The following LIMK2 variants were observed in gnomAD, a reference collection of about 807,000 sequenced individuals.
LIMK2 encodes the protein LIM domain kinase 2.
A neutral mutation model predicts 75.7 loss-of-function variants in LIMK2; 35 were observed. The observed-to-expected ratio is 0.46, with a 90% confidence interval of 0.35 to 0.61. LIMK2 has a LOEUF of 0.61. Among genes scored for constraint, LIMK2 ranks in the 20% least tolerant of loss-of-function variants. LIMK2 has a pLI of 0.00. For synonymous variants in LIMK2, 301 were observed against 319.2 expected, an observed-to-expected ratio of 0.94 and a Z score of 0.61; for missense variants, 623 against 831.0, an observed-to-expected ratio of 0.75 and a Z score of 3.08.
intron 2 of LIMK2, among the ~76,000 whole-genome samples, chr22:31,231,020 G>C (rs1218464437): frequency 6.6e-6 from 1 of 152,196 alleles, no homozygotes; most frequent in African/African-American, 2.4e-5. Flanking sequence ...TTCGAGAATA[G>C]GGAAATGGAG....
intron 15 of LIMK2, chr22:31,275,779 T>C (rs930136411): frequency 6.5e-6 from 1 of 154,706 alleles, no homozygotes; most frequent in Non-Finnish European, 1.4e-5. Flanking sequence ...TTCAGGTTTT[T>C]CCAGTTTCTC....
In LIMK2 at chr22:31,225,778, GT is replaced by G; in HGVS notation, c.76del (p.Tyr26ThrfsTer53). 1 of 1,614,104 alleles carries G rather than the reference GT, an allele frequency of 6.2e-7. No homozygotes were observed. The highest frequency in any genetic ancestry group is 8.5e-7 in the Non-Finnish European group (1 of 1,179,976). Reference protein sequence around the residue: ...GDHIAPSQIWYRTVNETWHGS... With the variant: ...GDHIAPSQIWXRTVNETWHGS... ...ACCACATTGCTCCAAGCCAGATATG[GT>G]ACAGGACTGTCAACGAAACCTGGCA... On this transcript the variant is annotated frameshift_variant, in exon 2 of 16. Transcript: ENST00000331728. LOFTEE classifies it high-confidence loss of function.
chr22:31,271,236 T>C lies in LIMK2; in HGVS notation c.1383+35T>C, dbSNP rs773126992. On this transcript the variant is annotated intron_variant, in intron 12 of 15. Coordinates refer to ENST00000331728, the MANE Select transcript of LIMK2 (RefSeq NM_005569.4). Reference sequence around the variant, plus strand: ...ACTGCTCTGGGCCTGGCCTCCAGGGTCCTATCCTTCCTGGCTTCCTTGTCA... The same window carrying C: ...ACTGCTCTGGGCCTGGCCTCCAGGGCCCTATCCTTCCTGGCTTCCTTGTCA... 3.8e-6 allele frequency: 6 copies of C among 1,574,736 alleles called. No individual in the cohort carries two copies. In the South Asian group the frequency reaches 4.4e-5, roughly 12 times the overall value.
At chr22:31,216,930 A>G (rs2048393505) in intron 1 of LIMK2, among the ~76,000 whole-genome samples, 2 of 152,208 alleles carry the variant, frequency 1.3e-5, no homozygotes, top group African/African-American at 4.8e-5. Flanking sequence ...ATTTTTATAT[A>G]GTAGAAAGAA....
At chr22:31,215,854 G>A (rs552039410) in intron 1 of LIMK2, among the ~76,000 whole-genome samples, 4 of 152,210 alleles carry the variant, frequency 2.6e-5, no homozygotes, top group African/African-American at 4.8e-5. Context: ...TAAGGCTTGC[G>A]TATGATAACA....
At chr22:31,246,925 C>T (rs909816214) in intron 2 of LIMK2, among the ~76,000 whole-genome samples, 9 of 152,150 alleles carry the variant, frequency 5.9e-5, no homozygotes, top group Admixed American at 2.0e-4. Context: ...AAATGCTAAG[C>T]ACTTAACACA....
At position 31,258,392 on chromosome 22, in the gene LIMK2, A is replaced by T. The variant is rs2048806082; in HGVS notation, c.218A>T (p.His73Leu). 4 of 1,614,022 alleles carry T rather than the reference A, an allele frequency of 2.5e-6. No individual in the cohort carries two copies. Among genetic ancestry groups the T allele is most frequent in the African/African-American group, 1.3e-5 (1 of 74,928 alleles). Residue 73 changes from histidine to leucine, a missense_variant, in exon 3 of 16, where the codon CAT becomes CTT. Around this residue, in one of 3 missense-constraint regions of LIMK2, gnomAD observed 514 missense variants for 661.3 expected, o/e 0.78. Transcript: ENST00000331728. ...TGGGGGAAGTTTGGGGAGTTCTGTC[A>T]TGGGTGCTCCCTGCTGATGACAGGG... is the stretch of plus-strand genomic sequence containing the variant. ...DYWGKFGEFC[H>L]GCSLLMTGPF...
At chr22:31,277,328 T>C in intron 15 of LIMK2, 2 of 1,432,452 alleles carry the variant, frequency 1.4e-6, no homozygotes, top group South Asian at 3.1e-5. Flanking sequence ...TTTATTGTTA[T>C]TAAACTGATG....
chr22:31,272,928 CTG>C (rs1010029632), intron 13 of LIMK2: 142 of 1,295,386 alleles, frequency 1.1e-4, no homozygotes, highest in Non-Finnish European at 1.3e-4. Flanking sequence ...TGAGTTCTGA[CTG>C]TGGCATTTGT....
At chr22:31,219,416 G>C (rs2048415288) in intron 1 of LIMK2, among the ~76,000 whole-genome samples, 1 of 152,098 alleles carries the variant, frequency 6.6e-6, no homozygotes, top group African/African-American at 2.4e-5. Context: ...CTCACCTTAC[G>C]TTGCACAGTT....
chr22:31,271,222 C>T (rs1204833752), intron 12 of LIMK2, 21 bp downstream of exon 12: 1 of 1,609,496 alleles, frequency 6.2e-7, no homozygotes, highest in South Asian at 1.1e-5. Flanking sequence ...CTGCTCTGGG[C>T]CTGGCCTCCA....
chr22:31,267,833 T>C lies in LIMK2; in HGVS notation c.1186T>C (p.Tyr396His). The change falls in exon 10 of 16, where the codon TAC becomes CAC. Residue 396 changes from tyrosine to histidine, a missense_variant. Tyr to His is a moderately conservative substitution (Grantham distance 83). Coordinates refer to ENST00000331728, the MANE Select transcript of LIMK2 (RefSeq NM_005569.4). ...TGTGCTCAAGTTCATTGGTGTGCTGTACAAGGATAAGAAGCTGAACCTCCT... is the reference window on the plus strand; with the variant it reads ...TGTGCTCAAGTTCATTGGTGTGCTGCACAAGGATAAGAAGCTGAACCTCCT... ...PNVLKFIGVL[Y>H]KDKKLNLLTE... 1 of 1,613,268 alleles carries C rather than the reference T, an allele frequency of 6.2e-7. No individual in the cohort carries two copies. Among genetic ancestry groups the C allele is most frequent in the Non-Finnish European group, 8.5e-7 (1 of 1,179,688 alleles).
At chr22:31,237,390 C>G (rs1241749895) in intron 2 of LIMK2, among the ~76,000 whole-genome samples, 1 of 151,330 alleles carries the variant, frequency 6.6e-6, no homozygotes, top group East Asian at 1.9e-4. Flanking sequence ...ATGGTGAAAC[C>G]TTGTCTCTAC....
intron 12 of LIMK2, 94 bp downstream of exon 12, chr22:31,271,295 G>A: frequency 9.2e-7 from 1 of 1,085,114 alleles, no homozygotes; most frequent in Non-Finnish European, 1.4e-6. Context: ...CTGGCTAGAG[G>A]GCAGAGGTGT....
intron 3 of LIMK2, chr22:31,258,636 G>C (rs1327460122): frequency 3.7e-6 from 2 of 535,994 alleles, no homozygotes; most frequent in African/African-American, 3.8e-5. Context: ...GTTGAACGTT[G>C]GGAGTGGGAG....
At chr22:31,215,221 G>A (rs547610574) in intron 1 of LIMK2, among the ~76,000 whole-genome samples, 86 of 152,160 alleles carry the variant, frequency 5.7e-4, no homozygotes, top group Non-Finnish European at 1.0e-3. Flanking sequence ...CCTCTCTGTA[G>A]CACAAAAAGC....
chr22:31,250,129 A>T (rs888741852), intron 2 of LIMK2, among the ~76,000 whole-genome samples: 2 of 152,084 alleles, frequency 1.3e-5, no homozygotes, highest in African/African-American at 4.8e-5. Context: ...AGTTTGCCTG[A>T]CTTGTTGAAG....
At chr22:31,213,689 G>T (rs1219055980) in intron 1 of LIMK2, among the ~76,000 whole-genome samples, 1 of 152,184 alleles carries the variant, frequency 6.6e-6, no homozygotes, top group Non-Finnish European at 1.5e-5. Context: ...AGGATCGCTT[G>T]AGTCCAGGAG....
Position 31,262,660 on chromosome 22 carries a change from C to G in LIMK2, c.723C>G (p.Ser241=). 6.2e-7 allele frequency: 1 copy of G among 1,614,194 alleles called. No homozygotes were observed. The highest frequency in any genetic ancestry group is 1.6e-4 in the Middle Eastern group (1 of 6,062). The change falls in exon 7 of 16, where the codon TCC becomes TCG. Residue 241 remains serine (S), a synonymous_variant. Coordinates refer to ENST00000331728, the MANE Select transcript of LIMK2 (RefSeq NM_005569.4). This position sits in a 1 kb window ranked among gnomAD's most constrained non-coding sequence, Gnocchi z 5.0. ...TGTTGATTGAACATGACCCCGTCTCCCAACGCCTGGACCAGCTGCGGCTGG... is the reference window on the plus strand; with the variant it reads ...TGTTGATTGAACATGACCCCGTCTCGCAACGCCTGGACCAGCTGCGGCTGG... ...LQLLIEHDPV[S]QRLDQLRLEA... is the part of the protein sequence containing the mutation.
Sources: gnomAD v4.1 joint callset for allele counts (sites outside exome capture counted in the v4.1 genomes callset) on GRCh38, gnomAD v4.1.1 for gene constraint, gnomAD v4.1.1 regional missense constraint, Gnocchi (gnomAD v3.1) non-coding constraint, MANE v1.5 for transcripts, NCBI Gene and HGNC (gene_info 2026-07-23, HGNC 2026-07-21) for gene names.